Variants in COL4A5 observed in about 807,000 individuals in gnomAD.
COL4A5 encodes collagen alpha-5(IV) chain.
COL4A5 carries 26 observed loss-of-function variants against 130.2 expected under a neutral mutation model. The observed-to-expected ratio is 0.20, with a 90% confidence interval of 0.15 to 0.28. COL4A5 has a LOEUF of 0.28. Ranked by LOEUF, COL4A5 falls within the 10% of genes least tolerant of loss-of-function variation. The probability of loss-of-function intolerance (pLI) is 1.00; values close to 1 mark genes in which losing one functional copy is unlikely to be tolerated. For missense variants in COL4A5, 1,131 were observed against 1,344.3 expected, an observed-to-expected ratio of 0.84 and a Z score of 2.48; for synonymous variants, 496 against 439.6, an observed-to-expected ratio of 1.13 and a Z score of -1.60.
chrX:108,472,893 A>G (rs780476164), intron 1 of COL4A5, among the ~76,000 whole-genome samples: 2 of 112,128 alleles, frequency 1.8e-5, no homozygotes, highest in African/African-American at 6.5e-5. Flanking sequence ...CACCAACAGT[A>G]TATAAGGGCT....
At position 108,619,926 on chromosome X, in the gene COL4A5, G is replaced by A. The variant is rs569244809; in HGVS notation, c.2510-333G>A. ...TCTGTTGAATATAATAACCAAAAAG[G>A]TAGGCTTTTATTTTGCATCTTTGGC... On this transcript the variant is annotated intron_variant, in intron 30 of 52. Coordinates refer to ENST00000328300, the MANE Select transcript of COL4A5 (RefSeq NM_033380.3). Among the ~76,000 whole-genome samples the A allele has an allele frequency of 1.3e-4, 15 of 112,292 alleles. No homozygotes were observed. The South Asian group carries it at 5.5e-3, about 41-fold the overall frequency.
intron 40 of COL4A5, 38 bp downstream of exon 40, chrX:108,667,221 A>G (rs367719501): frequency 2.3e-4 from 254 of 1,103,670 alleles, no homozygotes; most frequent in Non-Finnish European, 3.0e-4. Flanking sequence ...AATCTATAAT[A>G]AAATGAGATT....
intron 16 of COL4A5, among the ~76,000 whole-genome samples, chrX:108,581,796 CTG>C (rs1023715262): frequency 9.1e-6 from 1 of 110,130 alleles, no homozygotes; most frequent in Non-Finnish European, 1.9e-5. Flanking sequence ...TTGGTTATTT[CTG>C]TGTTTTGGCC....
At chrX:108,689,895 C>G (rs774928957) in intron 49 of COL4A5, 2 of 754,438 alleles carry the variant, frequency 2.7e-6, no homozygotes, top group Non-Finnish European at 3.1e-6. Context: ...ATCACTCTCT[C>G]TTCGAAAATT....
At chrX:108,457,915 T>C (rs1423046017) in intron 1 of COL4A5, among the ~76,000 whole-genome samples, 1 of 112,259 alleles carries the variant, frequency 8.9e-6, no homozygotes, top group Non-Finnish European at 1.9e-5. Flanking sequence ...AGTCCATTTC[T>C]TTTTTATTTG....
At chrX:108,501,561 A>G (rs1396151467) in intron 1 of COL4A5, among the ~76,000 whole-genome samples, 2 of 111,755 alleles carry the variant, frequency 1.8e-5, no homozygotes, top group Middle Eastern at 4.6e-3. Context: ...TTGTGATTTC[A>G]TTTCCTTTGC....
intron 43 of COL4A5, among the ~76,000 whole-genome samples, chrX:108,676,394 A>G (rs2068303207): frequency 8.9e-6 from 1 of 111,777 alleles, no homozygotes; most frequent in Non-Finnish European, 1.9e-5. Flanking sequence ...CAAGCAAGTA[A>G]CACCTATTTG....
At chrX:108,442,817 A>T (rs138021937) in intron 1 of COL4A5, 5 of 111,660 alleles carry the variant, frequency 4.5e-5, no homozygotes, top group African/African-American at 1.6e-4. Flanking sequence ...TGCTAATATG[A>T]TAATACATAT....
At chrX:108,441,260 G>C (rs184754562) in intron 1 of COL4A5, among the ~76,000 whole-genome samples, 339 of 112,394 alleles carry the variant, frequency 3.0e-3, no homozygotes, top group African/African-American at 0.011. Context: ...AAATTTATTT[G>C]AGTGATCATT....
intron 36 of COL4A5, among the ~76,000 whole-genome samples, chrX:108,636,939 CTTTTTTTT>C (rs59497827): frequency 7.1e-4 from 54 of 76,391 alleles, no homozygotes; most frequent in African/African-American, 2.4e-3. Flanking sequence ...AATGTAATGT[CTTTTTTTT>C]TTTTTTTTTT....
chrX:108,667,767 G>A (rs1180006674), intron 40 of COL4A5, among the ~76,000 whole-genome samples: 1 of 110,548 alleles, frequency 9.0e-6, no homozygotes, highest in East Asian at 2.9e-4. Context: ...TCCTTCCCAT[G>A]ATACCAACAT....
chrX:108,463,509 T>G (rs1158498776), intron 1 of COL4A5, among the ~76,000 whole-genome samples: 1 of 111,610 alleles, frequency 9.0e-6, no homozygotes, highest in Non-Finnish European at 1.9e-5. Flanking sequence ...GGGAGGGAGA[T>G]AACGCTTTTA....
intron 4 of COL4A5, among the ~76,000 whole-genome samples, chrX:108,565,843 C>T (rs760725912): frequency 4.5e-5 from 5 of 111,463 alleles, no homozygotes; most frequent in East Asian, 5.6e-4. Flanking sequence ...CAGAACTGTA[C>T]GCTTAAGATT....
chrX:108,492,243 A>ATTG (rs1332020152), intron 1 of COL4A5, among the ~76,000 whole-genome samples: 1 of 111,733 alleles, frequency 8.9e-6, no homozygotes, highest in Non-Finnish European at 1.9e-5. Flanking sequence ...CTGGGAATTT[A>ATTG]TTGTTGTTGT....
At chrX:108,533,194 G>A (rs779388104) in intron 1 of COL4A5, among the ~76,000 whole-genome samples, 20 of 111,337 alleles carry the variant, frequency 1.8e-4, no homozygotes, top group African/African-American at 5.9e-4. Flanking sequence ...ATAGACCAAT[G>A]GAACAGAATA....
chrX:108,689,717 G>C (rs1462255741), intron 49 of COL4A5: 2 of 752,511 alleles, frequency 2.7e-6, no homozygotes, highest in African/African-American at 4.6e-5. Flanking sequence ...AATAAATGCA[G>C]TCTGTGTTGA....
rs990711384 is a variant in COL4A5, at chrX:108,667,507, A to G, written c.3604+324A>G. Among the ~76,000 whole-genome samples the G allele has an allele frequency of 3.6e-5, 4 of 110,269 alleles. No individual in the cohort carries two copies. In the Admixed American group the frequency reaches 3.9e-4, roughly 11 times the overall value. ...AGAAATAAGAAAAGTCTGTAGAAATATACGCCAATAATAAAAATGTTTCTG... is the reference window on the plus strand; with the variant it reads ...AGAAATAAGAAAAGTCTGTAGAAATGTACGCCAATAATAAAAATGTTTCTG... On this transcript the variant is annotated intron_variant, in intron 40 of 52. Coordinates refer to ENST00000328300, the MANE Select transcript of COL4A5 (RefSeq NM_033380.3).
intron 2 of COL4A5, among the ~76,000 whole-genome samples, chrX:108,545,927 C>T (rs1430007585): frequency 9.0e-6 from 1 of 111,339 alleles, no homozygotes. Flanking sequence ...ACTAGGATTG[C>T]AACCCCTGCC....
chrX:108,664,389 ATACAT>A lies in COL4A5; in HGVS notation c.3374-1112_3374-1108del. On this transcript the variant is annotated intron_variant, in intron 37 of 52. Coordinates refer to ENST00000328300, the MANE Select transcript of COL4A5 (RefSeq NM_033380.3). ...ATGGGGAAAAAACAAAACTTAATTC[ATACAT>A]TACATCATACAGAAAAAAAAATGTT... Among the ~76,000 whole-genome samples the A allele has an allele frequency of 1.8e-5, 2 of 111,971 alleles. 1 individual carries two copies. The highest frequency in any genetic ancestry group is 7.4e-4 in the South Asian group (2 of 2,721).
Sources: allele counts gnomAD v4.1 joint callset (sites outside exome capture counted in the v4.1 genomes callset), GRCh38; gene constraint gnomAD v4.1.1; transcripts MANE v1.5; gene names NCBI Gene and HGNC (gene_info 2026-07-23, HGNC 2026-07-21).